EPHB1: variants seen among roughly 807,000 people sequenced by gnomAD.
The protein encoded by EPHB1 is ephrin type-B receptor 1.
EPHB1 carries 30 observed loss-of-function variants against 94.4 expected under a neutral mutation model. That is an observed-to-expected ratio of 0.32 (90% CI 0.24 to 0.43). The LOEUF is 0.43. EPHB1 is among the 20% of genes least tolerant of loss of function. The pLI, the probability that EPHB1 is intolerant of heterozygous loss-of-function variation, is 1.00. For synonymous variants in EPHB1, 522 were observed against 489.1 expected, an observed-to-expected ratio of 1.07 and a Z score of -0.89; for missense variants, 1,055 against 1,308.3, an observed-to-expected ratio of 0.81 and a Z score of 2.99.
intron 9 of EPHB1, among the ~76,000 whole-genome samples, chr3:135,171,711 T>C (rs377600319): frequency 6.6e-6 from 1 of 152,232 alleles, no homozygotes; most frequent in South Asian, 2.1e-4. Flanking sequence ...CAGTGATACA[T>C]AGCTGACAAA....
At chr3:134,988,579 C>G (rs888273739) in intron 3 of EPHB1, among the ~76,000 whole-genome samples, 5 of 152,084 alleles carry the variant, frequency 3.3e-5, no homozygotes, top group African/African-American at 1.2e-4. Flanking sequence ...ATCATCAATA[C>G]CAGAATATGC....
chr3:135,031,577 C>T (rs567577117), intron 3 of EPHB1, among the ~76,000 whole-genome samples: 5 of 152,170 alleles, frequency 3.3e-5, no homozygotes, highest in Admixed American at 6.5e-5. Flanking sequence ...CCCAAATTGC[C>T]GGGGTTATAG....
At chr3:135,098,777 C>T (rs936998165) in intron 3 of EPHB1, among the ~76,000 whole-genome samples, 7 of 151,950 alleles carry the variant, frequency 4.6e-5, no homozygotes, top group Non-Finnish European at 5.9e-5. Context: ...TTTGGGAAGC[C>T]GAGGCGGATG....
intron 13 of EPHB1, among the ~76,000 whole-genome samples, chr3:135,244,547 T>C (rs917730723): frequency 2.6e-5 from 4 of 152,174 alleles, no homozygotes; most frequent in Non-Finnish European, 5.9e-5. Flanking sequence ...GCCATATCTT[T>C]CCATACAATT....
intron 3 of EPHB1, chr3:135,067,903 T>C (rs756803059): frequency 1.3e-5 from 2 of 152,204 alleles, no homozygotes; most frequent in East Asian, 1.9e-4. Context: ...GCTCTCTAAA[T>C]TGACTCAGCT....
chr3:135,214,852 C>A (rs1032406661), intron 12 of EPHB1, among the ~76,000 whole-genome samples: 1 of 152,162 alleles, frequency 6.6e-6, no homozygotes, highest in Non-Finnish European at 1.5e-5. Context: ...GCAAAAAGAC[C>A]ATTTCTAGAA....
In EPHB1 at chr3:135,171,098, G is replaced by A. The variant is rs532068879; in HGVS notation, c.1759+4092G>A. 3.9e-5 allele frequency among the ~76,000 whole-genome samples: 6 copies of A among 152,276 alleles called. No homozygotes were observed. In the South Asian group the frequency reaches 1.2e-3, roughly 32 times the overall value. ...ATCCCTGCCAAACACTTGGAGAGAT[G>A]ATTAAGCAGATGAGTTCTGGGCATT... On this transcript the variant is annotated intron_variant, in intron 9 of 15. Coordinates refer to ENST00000398015, the MANE Select transcript of EPHB1 (RefSeq NM_004441.5).
intron 3 of EPHB1, among the ~76,000 whole-genome samples, chr3:135,048,973 C>T (rs922116593): frequency 1.1e-4 from 16 of 152,186 alleles, no homozygotes; most frequent in Admixed American, 1.0e-3. Context: ...TGGATGCTTC[C>T]TTACAGCCTC....
intron 11 of EPHB1, 120 bp from the exon 12 acceptor site, chr3:135,201,342 GAGAGGAGGACAC>G: frequency 1.2e-6 from 1 of 816,502 alleles, no homozygotes; most frequent in Non-Finnish European, 2.0e-6. Context: ...GGAGTGGGAA[GAGAGGAGGACAC>G]AGTGAGTGGC....
chr3:135,190,656 T>G (rs548501120), intron 10 of EPHB1, among the ~76,000 whole-genome samples: 1 of 152,360 alleles, frequency 6.6e-6, no homozygotes, highest in Non-Finnish European at 1.5e-5. Flanking sequence ...GCTATTGTAG[T>G]GTTTGTCTAT....
chr3:135,026,708 G>A lies in EPHB1; in HGVS notation c.805+74656G>A, dbSNP rs1433179429. Among the ~76,000 whole-genome samples the A allele has an allele frequency of 2.3e-5, 3 of 129,028 alleles. No homozygotes were observed. In the East Asian group the frequency reaches 7.0e-4, roughly 30 times the overall value. The allele number at this position is 129,028 out of a possible 152,430, so 84.6% of individuals were successfully genotyped here. Reference sequence around the variant, plus strand: ...ACTTGGCAATGCGGGCTCTTTTTTGGTTCCATATGAACTTTAAAGTAGTTT... The same window carrying A: ...ACTTGGCAATGCGGGCTCTTTTTTGATTCCATATGAACTTTAAAGTAGTTT... On this transcript the variant is annotated intron_variant, in intron 3 of 15. Transcript: ENST00000398015.
intron 3 of EPHB1, among the ~76,000 whole-genome samples, chr3:135,015,246 G>GTTT (rs59675045): frequency 0.013 from 1,862 of 146,058 alleles, 39 homozygotes; most frequent in African/African-American, 0.043. Flanking sequence ...CCAGTGCCTG[G>GTTT]TTTTTTTTTT....
chr3:135,062,567 T>C (rs570033962), intron 3 of EPHB1, among the ~76,000 whole-genome samples: 1 of 152,296 alleles, frequency 6.6e-6, no homozygotes, highest in Admixed American at 6.5e-5. Flanking sequence ...TTTGAGTTTG[T>C]TGTAGATTCT....
chr3:134,883,827 C>T (rs922834976), intron 1 of EPHB1, among the ~76,000 whole-genome samples: 1 of 152,176 alleles, frequency 6.6e-6, no homozygotes, highest in African/African-American at 2.4e-5. Context: ...ACTGCCCTGC[C>T]TTAGAGGCAA....
rs1378567587 is a variant in EPHB1, at chr3:135,201,500, C to T, written c.2157C>T (p.Ile719=). 6.2e-7 allele frequency: 1 copy of T among 1,613,990 alleles called. No homozygotes were observed. Among genetic ancestry groups the T allele is most frequent in the Admixed American group, 1.7e-5 (1 of 59,996 alleles). The change falls in exon 12 of 16, where the codon ATC becomes ATT. Residue 719 remains isoleucine (I), a synonymous_variant. Transcript: ENST00000398015. ...LRQNDGQFTV[I]QLVGMLRGIA... ...AAAATGACGGGCAGTTCACCGTGAT[C>T]CAGCTTGTGGGTATGCTCAGGGGCA...
At chr3:134,889,678 C>CATTT (rs2037929240) in intron 1 of EPHB1, among the ~76,000 whole-genome samples, 2 of 150,800 alleles carry the variant, frequency 1.3e-5, no homozygotes, top group African/African-American at 2.4e-5. Flanking sequence ...CCTATTTATT[C>CATTT]ATTTATTTAT....
At chr3:135,257,523 T>C (rs1443075236) in intron 15 of EPHB1, among the ~76,000 whole-genome samples, 2 of 152,040 alleles carry the variant, frequency 1.3e-5, no homozygotes, top group East Asian at 1.9e-4. Flanking sequence ...CCCAGTTAGG[T>C]TGCTGGGGGG....
At chr3:134,980,425 C>T (rs1009413562) in intron 3 of EPHB1, among the ~76,000 whole-genome samples, 3 of 151,914 alleles carry the variant, frequency 2.0e-5, no homozygotes, top group African/African-American at 7.3e-5. Flanking sequence ...AGTCACAAGC[C>T]CAGCCAGATT....
intron 1 of EPHB1, among the ~76,000 whole-genome samples, chr3:134,921,550 A>G (rs2038686495): frequency 6.6e-6 from 1 of 152,180 alleles, no homozygotes; most frequent in African/African-American, 2.4e-5. Flanking sequence ...ACATCAATTT[A>G]TATGCATTGT....
Sources: allele counts gnomAD v4.1 joint callset (sites outside exome capture counted in the v4.1 genomes callset), GRCh38; gene constraint gnomAD v4.1.1; transcripts MANE v1.5; gene names NCBI Gene and HGNC (gene_info 2026-07-23, HGNC 2026-07-21).